The following RALGAPA2 variants were observed in gnomAD, a reference collection of about 807,000 sequenced individuals.
The protein encoded by RALGAPA2 is Ral GTPase activating protein catalytic subunit alpha 2.
In RALGAPA2, 139 loss-of-function variants were observed where a neutral mutation model predicts 230.4. The ratio of observed to expected loss-of-function variants is 0.60; its 90% CI spans 0.53 to 0.69. The LOEUF is 0.69. Among genes scored for constraint, RALGAPA2 ranks in the 30% least tolerant of loss-of-function variants. The probability of loss-of-function intolerance (pLI) is 0.00; values close to 1 mark genes in which losing one functional copy is unlikely to be tolerated. For missense variants in RALGAPA2, 2,163 were observed against 2,276.0 expected (o/e 0.95, Z 1.01); for synonymous variants, 847 against 837.8 (o/e 1.01, Z -0.19).
In RALGAPA2 at chr20:20,584,128, G is replaced by T. The variant is rs529768557; in HGVS notation, c.2530+737C>A. ...CAAGAACTGTCCTGAACTTGAGGAGGTGTTTACTTTGCTACTCTGGCACCT... is the reference window on the plus strand; with the variant it reads ...CAAGAACTGTCCTGAACTTGAGGAGTTGTTTACTTTGCTACTCTGGCACCT... On this transcript the variant is annotated intron_variant, in intron 19 of 39. Transcript: ENST00000202677. 1.2e-3 allele frequency among the ~76,000 whole-genome samples: 176 copies of T among 152,266 alleles called. 1 individual carries two copies. Among genetic ancestry groups the T allele is most frequent in the African/African-American group, 3.9e-3 (161 of 41,542 alleles).
At position 20,531,723 on chromosome 20, in the gene RALGAPA2, C is replaced by A. The variant is rs1047676016; in HGVS notation, c.3546G>T (p.Val1182=). The A allele has an allele frequency of 6.2e-7, 1 of 1,608,554 alleles. No homozygotes were observed. Among genetic ancestry groups the A allele is most frequent in the South Asian group, 1.1e-5 (1 of 89,572 alleles). ...CTCCTATCACATTGATGGCCTCTTT[C>A]ACCTGAGGGTGGCTTGTACACTGTG... is the stretch of plus-strand genomic sequence containing the variant. ...ELAQCTSHPQ[V]KEAINVIGVT... is the part of the protein sequence containing the mutation. The change falls in exon 27 of 40, where the codon GTG becomes GTT. Residue 1182 remains valine (V), a synonymous_variant. Coordinates refer to ENST00000202677, the MANE Select transcript of RALGAPA2 (RefSeq NM_020343.4).
At chr20:20,524,619 C>T in intron 29 of RALGAPA2, 76 bp from the exon 30 acceptor site, 3 of 1,562,086 alleles carry the variant, frequency 1.9e-6, no homozygotes, top group Non-Finnish European at 2.6e-6. Context: ...AGAGAATTAT[C>T]CCTACACCCA....
chr20:20,555,295 C>G (rs6082041), intron 23 of RALGAPA2, among the ~76,000 whole-genome samples: 8,627 of 152,274 alleles, frequency 0.057, 377 homozygotes, highest in African/African-American at 0.12. Context: ...TTTAACCTTT[C>G]ACCAGGACCA....
rs1055822336 is a variant in RALGAPA2, at chr20:20,619,340, G to C, written c.1476C>G (p.Ser492Arg). 6.2e-7 allele frequency: 1 copy of C among 1,612,132 alleles called. No individual in the cohort carries two copies. The highest frequency in any genetic ancestry group is 8.5e-7 in the Non-Finnish European group (1 of 1,178,854). The change falls in exon 12 of 40, where the codon AGC (serine) becomes AGG (arginine). Residue 492 changes from serine (S) to arginine (R), a missense_variant. Transcript: ENST00000202677. ...GRTYSFTSAM[S>R]RGCVTEEENT... ...TTTCCTCCTCTGTCACACACCCTCTGCTCATTGCACTTGTGAAGGAGTATG... is the reference window on the plus strand; with the variant it reads ...TTTCCTCCTCTGTCACACACCCTCTCCTCATTGCACTTGTGAAGGAGTATG...
chr20:20,537,619 C>CAAAAAAAAAAAAAA, intron 24 of RALGAPA2, among the ~76,000 whole-genome samples: 1 of 41,090 alleles, frequency 2.4e-5, no homozygotes, highest in Non-Finnish European at 6.2e-5. Flanking sequence ...GACTCCATCT[C>CAAAAAAAAAAAAAA]AAAAAAAAAA....
Position 20,412,055 on chromosome 20 carries a change from G to C in RALGAPA2, c.5589C>G (p.Pro1863=), listed in dbSNP as rs774629066. 2 of 1,614,002 alleles carry C rather than the reference G, an allele frequency of 1.2e-6. No individual in the cohort carries two copies. The highest frequency in any genetic ancestry group is 1.7e-5 in the Admixed American group (1 of 60,030). ...FEDFAAQVFS[P]SPSYSLSGTD is the part of the protein sequence containing the mutation. ...TTCCGCTGAGGGAGTAGCTGGGAGAGGGAGAAAAGACTTGGGCTGCGAAAT... is the reference window on the plus strand; with the variant it reads ...TTCCGCTGAGGGAGTAGCTGGGAGACGGAGAAAAGACTTGGGCTGCGAAAT... The change falls in exon 38 of 40, where the codon CCC becomes CCG. Residue 1863 remains proline (P), a synonymous_variant. Coordinates refer to ENST00000202677, the MANE Select transcript of RALGAPA2 (RefSeq NM_020343.4).
chr20:20,400,375 G>A (rs2059806405), intron 38 of RALGAPA2, among the ~76,000 whole-genome samples: 1 of 152,206 alleles, frequency 6.6e-6, no homozygotes, highest in Admixed American at 6.5e-5. Flanking sequence ...AGCTGGACAG[G>A]AAGGGAGGGA....
rs1337176276 is a variant in RALGAPA2 at position 20,554,770 on chromosome 20, T to C, written c.3157-7938A>G. Reference sequence around the variant, plus strand: ...CCACCTGTATCAGCCTCCAAACGTGTTGGGATAACAGGCATGAGCCACCGT... The same window carrying C: ...CCACCTGTATCAGCCTCCAAACGTGCTGGGATAACAGGCATGAGCCACCGT... On this transcript the variant is annotated intron_variant, in intron 23 of 39. Coordinates refer to ENST00000202677, the MANE Select transcript of RALGAPA2 (RefSeq NM_020343.4). Among the ~76,000 whole-genome samples the C allele has an allele frequency of 2.6e-5, 4 of 152,126 alleles. No individual in the cohort carries two copies. The East Asian group carries it at 5.8e-4, about 22-fold the overall frequency.
At chr20:20,479,478 G>A (rs2061725986) in intron 36 of RALGAPA2, among the ~76,000 whole-genome samples, 1 of 152,114 alleles carries the variant, frequency 6.6e-6, no homozygotes, top group African/African-American at 2.4e-5. Flanking sequence ...ACAATTTTCA[G>A]TAAAAATCAG....
intron 9 of RALGAPA2, among the ~76,000 whole-genome samples, chr20:20,634,238 G>C (rs2066779909): frequency 6.6e-6 from 1 of 151,754 alleles, no homozygotes; most frequent in African/African-American, 2.4e-5. Context: ...TTGTAAGGTA[G>C]GGACCTGTAC....
At chr20:20,411,372 T>C (rs1180966885) in intron 38 of RALGAPA2, among the ~76,000 whole-genome samples, 1 of 152,160 alleles carries the variant, frequency 6.6e-6, no homozygotes, top group Admixed American at 6.5e-5. Context: ...AAACTGGAAA[T>C]ATAAAAAGAA....
chr20:20,583,140 G>T lies in RALGAPA2; in HGVS notation c.2617C>A (p.Pro873Thr). 1.5e-5 allele frequency: 24 copies of T among 1,613,658 alleles called. No individual in the cohort carries two copies. Among genetic ancestry groups the T allele is most frequent in the Non-Finnish European group, 1.9e-5 (23 of 1,179,722 alleles). Reference sequence around the variant, plus strand: ...ACATCTGTGGGAGTATTCAGTTCTGGGTCTTCCTCACAGGTCTGCCATGGG... The same window carrying T: ...ACATCTGTGGGAGTATTCAGTTCTGTGTCTTCCTCACAGGTCTGCCATGGG... ...MGPWQTCEED[P>T]ELNTPTDVVA... The change falls in exon 20 of 40, where the codon CCA becomes ACA. Residue 873 changes from proline (P) to threonine (T), a missense_variant. Pro to Thr is a conservative substitution (Grantham distance 38). Coordinates refer to ENST00000202677, the MANE Select transcript of RALGAPA2 (RefSeq NM_020343.4).
chr20:20,622,274 GA>G (rs995214489), intron 10 of RALGAPA2, among the ~76,000 whole-genome samples: 15 of 150,454 alleles, frequency 1.0e-4, no homozygotes, highest in East Asian at 9.7e-4. Context: ...AAAAAAACAG[GA>G]AAAAAAAAGA....
intron 1 of RALGAPA2, among the ~76,000 whole-genome samples, chr20:20,711,018 G>C (rs898317837): frequency 1.3e-5 from 2 of 152,100 alleles, no homozygotes; most frequent in African/African-American, 4.8e-5. Flanking sequence ...AGTTTACCAA[G>C]AACGCCACAC....
At chr20:20,707,084 C>A (rs146297341) in intron 1 of RALGAPA2, among the ~76,000 whole-genome samples, 1 of 152,188 alleles carries the variant, frequency 6.6e-6, no homozygotes, top group Non-Finnish European at 1.5e-5. Context: ...TCATCTTCCC[C>A]GTCCTTGCCC....
rs372619002 is a variant in RALGAPA2, at chr20:20,423,002, T to C, written c.5496-10854A>G. On this transcript the variant is annotated intron_variant, in intron 37 of 39. Transcript: ENST00000202677. Reference sequence around the variant, plus strand: ...GAATCTCCGAAGGTTTTAAAACAGATGAACAGCAGGACCTGATCTATGCCT... The same window carrying C: ...GAATCTCCGAAGGTTTTAAAACAGACGAACAGCAGGACCTGATCTATGCCT... 2.6e-5 allele frequency among the ~76,000 whole-genome samples: 4 copies of C among 152,080 alleles called. No homozygotes were observed. The East Asian group carries it at 7.7e-4, about 29-fold the overall frequency.
intron 3 of RALGAPA2, among the ~76,000 whole-genome samples, chr20:20,660,462 A>G (rs1043281304): frequency 5.9e-5 from 9 of 152,132 alleles, no homozygotes; most frequent in African/African-American, 2.2e-4. Context: ...ACATGTAGGT[A>G]TCAACAAATA....
rs117679680 is a variant in RALGAPA2 at position 20,436,944 on chromosome 20, C to T, written c.5496-24796G>A. ...CCTGTGCATTGGCCATCATGGCAGC[C>T]GCACCGGGGAGACCAAGCTCCGGGG... On this transcript the variant is annotated intron_variant, in intron 37 of 39. Coordinates refer to ENST00000202677, the MANE Select transcript of RALGAPA2 (RefSeq NM_020343.4). Among the ~76,000 whole-genome samples, 882 of 152,266 alleles carry T rather than the reference C, an allele frequency of 5.8e-3. 4 individuals are homozygous for T. The highest frequency in any genetic ancestry group is 6.9e-3 in the Non-Finnish European group (468 of 68,012).
intron 35 of RALGAPA2, among the ~76,000 whole-genome samples, chr20:20,502,751 C>G (rs940163955): frequency 3.3e-5 from 5 of 152,198 alleles, no homozygotes; most frequent in Admixed American, 6.5e-5. Context: ...TGCTCTGAGA[C>G]GTTCTCCTCA....
Sources: allele counts gnomAD v4.1 joint callset (sites outside exome capture counted in the v4.1 genomes callset), GRCh38; gene constraint gnomAD v4.1.1; transcripts MANE v1.5; gene names NCBI Gene and HGNC (gene_info 2026-07-23, HGNC 2026-07-21).